ATP9B: variants seen among roughly 807,000 people sequenced by gnomAD.
ATP9B encodes ATPase phospholipid transporting 9B, also known as probable phospholipid-transporting ATPase IIB.
Under a neutral mutation model 146.1 loss-of-function variants are expected in ATP9B, and 110 were observed. That is an observed-to-expected ratio of 0.75 (90% CI 0.65 to 0.88). The LOEUF (loss-of-function observed/expected upper bound fraction) is 0.88, where lower values mean the gene tolerates loss of function less well. Among genes scored for constraint, ATP9B ranks in the 40% least tolerant of loss-of-function variants. ATP9B has a pLI of 0.00. For synonymous variants in ATP9B, 604 were observed against 569.7 expected (o/e 1.06, Z -0.86); for missense variants, 1,499 against 1,496.4 (o/e 1.00, Z -0.03).
At chr18:79,313,064 A>C (rs2096661607) in intron 15 of ATP9B, among the ~76,000 whole-genome samples, 2 of 152,182 alleles carry the variant, frequency 1.3e-5, no homozygotes, top group South Asian at 4.1e-4. Context: ...AGTGGGCACG[A>C]TTGTTAAGCT....
At chr18:79,094,003 A>G (rs1478084832) in intron 1 of ATP9B, among the ~76,000 whole-genome samples, 2 of 152,160 alleles carry the variant, frequency 1.3e-5, no homozygotes, top group African/African-American at 4.8e-5. Flanking sequence ...GACATTTTGA[A>G]TATTGTGTTG....
intron 9 of ATP9B, among the ~76,000 whole-genome samples, chr18:79,206,623 CATAA>C (rs71161762): frequency 0.078 from 11,510 of 147,006 alleles, 633 homozygotes; most frequent in African/African-American, 0.16. Context: ...AATAACACCT[CATAA>C]ATAAATAAAT....
intron 15 of ATP9B, among the ~76,000 whole-genome samples, chr18:79,319,403 G>T (rs1452147396): frequency 6.6e-6 from 1 of 151,258 alleles, no homozygotes; most frequent in African/African-American, 2.4e-5. Flanking sequence ...TAGAGGAGGG[G>T]CCCCCTCCTC....
At chr18:79,282,910 ATGT>A (rs1277906530) in intron 13 of ATP9B, among the ~76,000 whole-genome samples, 1 of 152,190 alleles carries the variant, frequency 6.6e-6, no homozygotes, top group Non-Finnish European at 1.5e-5. Context: ...AGTCACTAAA[ATGT>A]TGTGATAGTT....
At chr18:79,279,049 C>T (rs2096346696) in intron 13 of ATP9B, among the ~76,000 whole-genome samples, 1 of 152,162 alleles carries the variant, frequency 6.6e-6, no homozygotes, top group Admixed American at 6.5e-5. Flanking sequence ...TGGACGAGCC[C>T]CAGACCTGGA....
intron 11 of ATP9B, among the ~76,000 whole-genome samples, chr18:79,218,594 C>T (rs979586384): frequency 4.6e-5 from 7 of 151,906 alleles, no homozygotes; most frequent in East Asian, 3.9e-4. Flanking sequence ...CCTCGTGTTC[C>T]GGGTCCGGCA....
rs1165342829 is a variant in ATP9B at position 79,323,434 on chromosome 18, CT to C, written c.1774-5706del. Among the ~76,000 whole-genome samples, 7 of 152,304 alleles carry C rather than the reference CT, an allele frequency of 4.6e-5. No homozygotes were observed. In the East Asian group the frequency reaches 9.6e-4, roughly 21 times the overall value. On this transcript the variant is annotated intron_variant, in intron 15 of 29. Coordinates refer to ENST00000426216, the MANE Select transcript of ATP9B (RefSeq NM_198531.5). ...CATTCACCAGCCCCCTTTATCACCCCTATCCCCAATATCCTCAATGTCCCCG... is the reference window on the plus strand; with the variant it reads ...CATTCACCAGCCCCCTTTATCACCCCATCCCCAATATCCTCAATGTCCCCG...
intron 17 of ATP9B, among the ~76,000 whole-genome samples, chr18:79,330,749 G>A (rs1398775282): frequency 3.3e-5 from 5 of 152,072 alleles, no homozygotes; most frequent in Non-Finnish European, 7.4e-5. Flanking sequence ...AATCATTTTT[G>A]TTTTGTGTGT....
At chr18:79,254,214 C>G (rs113457262) in intron 12 of ATP9B, 5 of 152,268 alleles carry the variant, frequency 3.3e-5, no homozygotes, top group Non-Finnish European at 5.9e-5. Context: ...GAATATCTAC[C>G]TTTTGTAACA....
At chr18:79,207,124 C>A in intron 10 of ATP9B, 112 bp downstream of exon 10, 1 of 1,018,060 alleles carries the variant, frequency 9.8e-7, no homozygotes. Context: ...ATTTAGGGAC[C>A]TTGCTAAACG....
chr18:79,375,080 T>C (rs566480331), intron 28 of ATP9B, among the ~76,000 whole-genome samples: 16 of 152,348 alleles, frequency 1.1e-4, no homozygotes, highest in African/African-American at 3.6e-4. Context: ...CTGCAGAACA[T>C]GGCCAGCCCT....
At chr18:79,368,773 C>T (rs553585665) in intron 26 of ATP9B, among the ~76,000 whole-genome samples, 15 of 151,786 alleles carry the variant, frequency 9.9e-5, no homozygotes, top group Non-Finnish European at 1.8e-4. Flanking sequence ...GTCACCTGCC[C>T]ACCCCTTTGC....
intron 7 of ATP9B, among the ~76,000 whole-genome samples, chr18:79,157,378 G>A (rs1315245702): frequency 2.7e-5 from 3 of 110,480 alleles, no homozygotes; most frequent in African/African-American, 1.1e-4. Flanking sequence ...GCTGGGTGAC[G>A]AGAGTGAAAC....
At chr18:79,325,782 C>T (rs1014357162) in intron 15 of ATP9B, among the ~76,000 whole-genome samples, 2 of 152,190 alleles carry the variant, frequency 1.3e-5, no homozygotes, top group African/African-American at 2.4e-5. Flanking sequence ...CCCACTTGCA[C>T]GCAGCATCTC....
At chr18:79,132,161 A>T (rs1274388665) in intron 5 of ATP9B, among the ~76,000 whole-genome samples, 1 of 151,712 alleles carries the variant, frequency 6.6e-6, no homozygotes, top group African/African-American at 2.4e-5. Flanking sequence ...TTCTGCTGTT[A>T]CGTCTTTTGT....
chr18:79,364,176 G>T (rs1236933871), intron 26 of ATP9B: 3 of 151,396 alleles, frequency 2.0e-5, no homozygotes, highest in African/African-American at 4.9e-5. Flanking sequence ...TGAGGCAGGA[G>T]AATGGCGTGA....
At chr18:79,270,496 A>G (rs1211447223) in intron 12 of ATP9B, among the ~76,000 whole-genome samples, 1 of 149,572 alleles carries the variant, frequency 6.7e-6, no homozygotes, top group Non-Finnish European at 1.5e-5. Flanking sequence ...ACCAAACAAT[A>G]ACGTGTGACT....
intron 13 of ATP9B, among the ~76,000 whole-genome samples, chr18:79,281,326 G>A (rs1216423363): frequency 1.3e-5 from 2 of 151,910 alleles, no homozygotes; most frequent in South Asian, 4.1e-4. Flanking sequence ...GAGAAAACCT[G>A]TCTCTACTAA....
intron 26 of ATP9B, among the ~76,000 whole-genome samples, chr18:79,366,581 G>C (rs1235755649): frequency 6.6e-6 from 1 of 152,154 alleles, no homozygotes; most frequent in African/African-American, 2.4e-5. Flanking sequence ...GATCAGTTTG[G>C]GCTTGTGGTT....
Sources: allele counts gnomAD v4.1 joint callset (sites outside exome capture counted in the v4.1 genomes callset), GRCh38; gene constraint gnomAD v4.1.1; transcripts MANE v1.5; gene names NCBI Gene and HGNC (gene_info 2026-07-23, HGNC 2026-07-21).